ARFGEF2: variants seen among roughly 807,000 people sequenced by gnomAD.
ARFGEF2 encodes the protein brefeldin A-inhibited guanine nucleotide-exchange protein 2.
ARFGEF2 carries 74 observed loss-of-function variants against 219.9 expected under a neutral mutation model. The ratio of observed to expected loss-of-function variants is 0.34; its 90% CI spans 0.28 to 0.41. ARFGEF2 has a LOEUF of 0.41. Ranked by LOEUF, ARFGEF2 falls within the 10% of genes least tolerant of loss-of-function variation. The pLI is 1.00. For synonymous variants in ARFGEF2, 733 were observed against 799.2 expected, an observed-to-expected ratio of 0.92 and a Z score of 1.40; for missense variants, 1,743 against 2,218.3, an observed-to-expected ratio of 0.79 and a Z score of 4.30.
chr20:49,014,150 C>T (rs1363441979), intron 30 of ARFGEF2, among the ~76,000 whole-genome samples, 190 bp downstream of exon 30: 1 of 151,950 alleles, frequency 6.6e-6, no homozygotes, highest in Admixed American at 6.6e-5. Context: ...TGACTCTCCC[C>T]ATGTTCAGAA....
At position 49,025,299 on chromosome 20, in the gene ARFGEF2, G is replaced by C; in HGVS notation, c.4756-14G>C. ...TTCTTCATTAGCTCTTCTATCCTCT[G>C]TCCTGTCCTCTAGCAAGACACGCTG... On this transcript the variant is annotated splice_polypyrimidine_tract_variant and intron_variant, in intron 35 of 38. Transcript: ENST00000371917. The C allele has an allele frequency of 6.2e-7, 1 of 1,603,938 alleles. No homozygotes were observed. The highest frequency in any genetic ancestry group is 2.2e-5 in the East Asian group (1 of 44,674).
intron 3 of ARFGEF2, among the ~76,000 whole-genome samples, chr20:48,950,574 G>A (rs1403863940): frequency 1.3e-5 from 2 of 151,304 alleles, no homozygotes; most frequent in African/African-American, 2.4e-5. Flanking sequence ...CAGGAGGATC[G>A]CTTGAGCCCA....
At chr20:49,032,524 G>A (rs2091642138) in intron 38 of ARFGEF2, among the ~76,000 whole-genome samples, 1 of 151,980 alleles carries the variant, frequency 6.6e-6, no homozygotes, top group Admixed American at 6.6e-5. Context: ...ACTTTTGGCA[G>A]CAAGACTATC....
chr20:48,959,999 G>C (rs946822700), intron 6 of ARFGEF2, among the ~76,000 whole-genome samples: 1 of 152,132 alleles, frequency 6.6e-6, no homozygotes, highest in African/African-American at 2.4e-5. Flanking sequence ...ATTGCTTAAG[G>C]TGAGTTAAAG....
chr20:49,012,202 A>G lies in ARFGEF2; in HGVS notation c.3918+118A>G. The stretch of plus-strand genomic sequence containing the variant: ...TCTTTTAGAAATGTGTGTTTGCCCT[A>G]AATTAGGTGTTTATTTCAAAATGCT... On this transcript the variant is annotated intron_variant, in intron 28 of 38. Coordinates refer to ENST00000371917, the MANE Select transcript of ARFGEF2 (RefSeq NM_006420.3). The G allele has an allele frequency of 1.5e-6, 2 of 1,349,698 alleles. 1 individual carries two copies. Among genetic ancestry groups the G allele is most frequent in the African/African-American group, 2.9e-5 (2 of 69,116 alleles). 83.6% of individuals were successfully genotyped at this position (1,349,698 alleles called of 1,614,324 possible).
intron 6 of ARFGEF2, among the ~76,000 whole-genome samples, chr20:48,956,004 C>A (rs1022446812): frequency 6.6e-6 from 1 of 152,174 alleles, no homozygotes; most frequent in African/African-American, 2.4e-5. Flanking sequence ...ACTTCCAGTT[C>A]TCAGGACTAG....
At chr20:48,974,692 C>T (rs1568715436) in intron 12 of ARFGEF2, 74 bp from the exon 13 acceptor site, 1 of 1,208,704 alleles carries the variant, frequency 8.3e-7, no homozygotes, top group Middle Eastern at 2.4e-4. Flanking sequence ...CACTGGGGTC[C>T]CAGAAAGCCT....
At chr20:49,013,756 A>G in intron 29 of ARFGEF2, 62 bp downstream of exon 29, 1 of 1,613,854 alleles carries the variant, frequency 6.2e-7, no homozygotes, top group Non-Finnish European at 8.5e-7. Flanking sequence ...TCACTTGCTC[A>G]CCTGACCCCA....
rs971493580 is a variant in ARFGEF2 at position 49,036,003 on chromosome 20, A to AC, written c.*2804_*2805insC. 5.1e-6 allele frequency: 2 copies of AC among 396,028 alleles called. No homozygotes were observed. Among genetic ancestry groups the AC allele is most frequent in the Non-Finnish European group, 8.9e-6 (2 of 225,146 alleles). The allele number at this position is 396,028 out of a possible 1,614,324, so 24.5% of individuals were successfully genotyped here. On this transcript the variant is annotated 3_prime_UTR_variant, in exon 39 of 39. Coordinates refer to ENST00000371917, the MANE Select transcript of ARFGEF2 (RefSeq NM_006420.3). ...ACTTTTGTACGAAATGAAAAAAAAAAAACCTGTATTTTTTTTGTTGTTCTT... is the reference window on the plus strand; with the variant it reads ...ACTTTTGTACGAAATGAAAAAAAAAACAACCTGTATTTTTTTTGTTGTTCTT...
chr20:48,997,247 C>G (rs930526357), intron 23 of ARFGEF2, among the ~76,000 whole-genome samples: 1 of 149,860 alleles, frequency 6.7e-6, no homozygotes, highest in Non-Finnish European at 1.5e-5. Context: ...CTGGTCATTT[C>G]TTGTACTATA....
At chr20:48,997,250 G>C (rs182273987) in intron 23 of ARFGEF2, among the ~76,000 whole-genome samples, 2 of 147,828 alleles carry the variant, frequency 1.4e-5, no homozygotes, top group South Asian at 4.4e-4. Flanking sequence ...GTCATTTCTT[G>C]TACTATATCT....
rs182206658 is a variant in ARFGEF2, at chr20:48,984,765, C to T, written c.1995C>T (p.Leu665=). The change falls in exon 15 of 39, where the codon CTC becomes CTT. Residue 665 remains leucine, a synonymous_variant. Coordinates refer to ENST00000371917, the MANE Select transcript of ARFGEF2 (RefSeq NM_006420.3). ...NKKPKRGIQF[L]QEQGMLGTSV... is the part of the protein sequence containing the mutation. ...AACCCAAGAGGGGGATCCAGTTTCT[C>T]CAGGAGCAGGGCATGCTGGGAACGT... is the stretch of plus-strand genomic sequence containing the variant. 6.2e-7 allele frequency: 1 copy of T among 1,613,870 alleles called. No individual in the cohort carries two copies. Among genetic ancestry groups the T allele is most frequent in the Non-Finnish European group, 8.5e-7 (1 of 1,180,032 alleles).
intron 1 of ARFGEF2, 113 bp downstream of exon 1, chr20:48,922,123 T>G (rs1893156913): frequency 3.5e-6 from 5 of 1,441,252 alleles, no homozygotes; most frequent in Non-Finnish European, 4.6e-6. Flanking sequence ...CGATCCCGAA[T>G]TCCACCCTTC....
chr20:48,977,170 C>T (rs113199347), intron 14 of ARFGEF2, among the ~76,000 whole-genome samples: 6 of 151,710 alleles, frequency 4.0e-5, no homozygotes, highest in African/African-American at 9.7e-5. Flanking sequence ...TGATATTCCC[C>T]GCCCTGTGTC....
intron 1 of ARFGEF2, among the ~76,000 whole-genome samples, chr20:48,927,767 T>A (rs751198462): frequency 3.9e-5 from 6 of 152,182 alleles, no homozygotes; most frequent in Non-Finnish European, 7.4e-5. Context: ...AAGCCTTTAA[T>A]TTTAGCAAAT....
intron 35 of ARFGEF2, among the ~76,000 whole-genome samples, chr20:49,023,523 G>GTTTTTTTTTTTT (rs11289917): frequency 2.1e-5 from 2 of 97,002 alleles, no homozygotes; most frequent in Non-Finnish European, 4.2e-5. Flanking sequence ...TTTTTTTCTG[G>GTTTTTTTTTTTT]TTTTTTTTTT....
chr20:49,022,495 G>A (rs1321790409), intron 34 of ARFGEF2, among the ~76,000 whole-genome samples: 2 of 152,082 alleles, frequency 1.3e-5, no homozygotes, highest in Admixed American at 6.5e-5. Flanking sequence ...AACCTGAAAC[G>A]TCCTCTGGTT....
chr20:49,018,348 T>TA (rs2091543926), intron 33 of ARFGEF2, among the ~76,000 whole-genome samples: 1 of 152,162 alleles, frequency 6.6e-6, no homozygotes, highest in Admixed American at 6.5e-5. Flanking sequence ...TTCTCATGCC[T>TA]CAGCCTCCCG....
intron 23 of ARFGEF2, among the ~76,000 whole-genome samples, chr20:48,996,251 C>T (rs1235133409): frequency 1.3e-5 from 2 of 150,976 alleles, no homozygotes; most frequent in African/African-American, 2.4e-5. Context: ...ATCAGGAAAT[C>T]GAGACCATTT....
Sources: allele counts gnomAD v4.1 joint callset (sites outside exome capture counted in the v4.1 genomes callset), GRCh38; gene constraint gnomAD v4.1.1; transcripts MANE v1.5; gene names NCBI Gene and HGNC (gene_info 2026-07-23, HGNC 2026-07-21).